DLG2: variants seen among roughly 807,000 people sequenced by gnomAD.
The protein encoded by DLG2 is disks large homolog 2.
A neutral mutation model predicts 132.5 loss-of-function variants in DLG2; 45 were observed. That is an observed-to-expected ratio of 0.34 (90% CI 0.27 to 0.44). DLG2 has a LOEUF of 0.44. DLG2 is among the 20% of genes least tolerant of loss of function. DLG2 has a pLI of 1.00. For missense variants in DLG2, 1,045 were observed against 1,196.9 expected (o/e 0.87, Z 1.87); for synonymous variants, 424 against 419.6 (o/e 1.01, Z -0.13).
intron 18 of DLG2, among the ~76,000 whole-genome samples, chr11:83,743,809 T>A (rs903240131): frequency 2.6e-5 from 4 of 152,068 alleles, no homozygotes; most frequent in Admixed American, 2.0e-4. Context: ...AGCATGCACC[T>A]CAGAGGGTTG....
intron 6 of DLG2, among the ~76,000 whole-genome samples, chr11:85,084,661 C>T (rs1004527720): frequency 9.9e-5 from 15 of 152,160 alleles, no homozygotes; most frequent in African/African-American, 3.6e-4. Flanking sequence ...AGCTCTATAT[C>T]GGTTGCCATT....
intron 17 of DLG2, among the ~76,000 whole-genome samples, chr11:83,798,570 CA>C (rs1296202405): frequency 6.6e-6 from 1 of 151,796 alleles, no homozygotes; most frequent in Non-Finnish European, 1.5e-5. Context: ...AAGGAGTAAC[CA>C]AATGGGAAAA....
At chr11:83,922,729 C>A (rs1276841257) in intron 15 of DLG2, among the ~76,000 whole-genome samples, 1 of 152,082 alleles carries the variant, frequency 6.6e-6, no homozygotes, top group African/African-American at 2.4e-5. Flanking sequence ...GATTAAGGCT[C>A]TGTGAGAAGA....
At chr11:84,416,525 C>A (rs183115562) in intron 7 of DLG2, among the ~76,000 whole-genome samples, 1 of 152,208 alleles carries the variant, frequency 6.6e-6, no homozygotes, top group African/African-American at 2.4e-5. Flanking sequence ...ACTGACTACT[C>A]TGACAAAATA....
chr11:83,825,217 T>C (rs1801643670), intron 17 of DLG2, among the ~76,000 whole-genome samples: 1 of 139,944 alleles, frequency 7.1e-6, no homozygotes, highest in Admixed American at 7.4e-5. Context: ...ATTTCACTCT[T>C]GTTGCCCAGG....
intron 6 of DLG2, among the ~76,000 whole-genome samples, chr11:84,729,003 A>G (rs982840693): frequency 3.9e-5 from 6 of 151,900 alleles, no homozygotes; most frequent in African/African-American, 1.5e-4. Flanking sequence ...TAATCTGGCT[A>G]GCAGTCTATT....
chr11:83,832,268 T>TA (rs931803456), intron 17 of DLG2, among the ~76,000 whole-genome samples: 29 of 152,006 alleles, frequency 1.9e-4, no homozygotes, highest in Admixed American at 1.1e-3. Context: ...AAAATAATAA[T>TA]AAAAAAAGAA....
intron 19 of DLG2, among the ~76,000 whole-genome samples, chr11:83,579,223 G>A (rs1265807177): frequency 6.6e-6 from 1 of 152,134 alleles, no homozygotes. Flanking sequence ...AAATATCTAG[G>A]CAAATAAAAT....
chr11:84,272,418 G>C, intron 7 of DLG2: 1 of 286,296 alleles, frequency 3.5e-6, no homozygotes, highest in Non-Finnish European at 7.2e-6. Flanking sequence ...ATAGCTAATT[G>C]GTGATCTCAA....
chr11:84,782,898 A>G (rs1310388524), intron 6 of DLG2, among the ~76,000 whole-genome samples: 2 of 152,116 alleles, frequency 1.3e-5, no homozygotes, highest in Non-Finnish European at 2.9e-5. Context: ...GCATCAGCGT[A>G]CCTTTCTGGC....
intron 18 of DLG2, among the ~76,000 whole-genome samples, chr11:83,709,980 G>C (rs538924234): frequency 1.3e-5 from 2 of 152,152 alleles, no homozygotes; most frequent in Admixed American, 1.3e-4. Flanking sequence ...TCTCACTGTT[G>C]TGGGTGAGCA....
intron 6 of DLG2, among the ~76,000 whole-genome samples, chr11:84,845,682 CTTTT>C (rs11411513): frequency 2.9e-5 from 4 of 138,818 alleles, no homozygotes; most frequent in South Asian, 2.3e-4. Context: ...GATCGTCACT[CTTTT>C]TTTTTTTTTT....
Position 83,541,593 on chromosome 11 carries a change from G to A in DLG2, c.2117+89C>T, listed in dbSNP as rs766006160. The A allele has an allele frequency of 1.9e-4, 226 of 1,159,340 alleles. 1 individual carries two copies. The highest frequency in any genetic ancestry group is 2.5e-4 in the Non-Finnish European group (215 of 861,578). 71.8% of individuals were successfully genotyped at this position (1,159,340 alleles called of 1,614,324 possible). Reference sequence around the variant, plus strand: ...ATCCCATTTAAATAAATTTAATTTTGTGAACAGTTTCTCCCACCTTCTTCT... The same window carrying A: ...ATCCCATTTAAATAAATTTAATTTTATGAACAGTTTCTCCCACCTTCTTCT... On this transcript the variant is annotated intron_variant, in intron 20 of 27. Transcript: ENST00000376104.
In DLG2 at chr11:83,884,549, T is replaced by C. The variant is rs188089875; in HGVS notation, c.1497-10061A>G. On this transcript the variant is annotated intron_variant, in intron 15 of 27. Transcript: ENST00000376104. ...ACAAACAAAAAGACAGCAGTAACCTTTGCAGACTTAAATGTCCCTGTCGGA... is the reference window on the plus strand; with the variant it reads ...ACAAACAAAAAGACAGCAGTAACCTCTGCAGACTTAAATGTCCCTGTCGGA... 1.2e-3 allele frequency among the ~76,000 whole-genome samples: 190 copies of C among 152,290 alleles called. 3 individuals are homozygous for C. Among genetic ancestry groups the C allele is most frequent in the Admixed American group, 0.011 (171 of 15,302 alleles).
chr11:85,234,340 T>C lies in DLG2; in HGVS notation c.186+50880A>G, dbSNP rs371299211. 7.2e-5 allele frequency among the ~76,000 whole-genome samples: 11 copies of C among 152,098 alleles called. No individual in the cohort carries two copies. The East Asian group carries it at 1.7e-3, about 24-fold the overall frequency. ...CACAAAACATAAAGGCACTCTGTAT[T>C]GCCTACTCCTAGCATTGTTGGAAAG... On this transcript the variant is annotated intron_variant, in intron 4 of 27. Transcript: ENST00000376104.
chr11:84,595,796 C>T (rs1238482684), intron 6 of DLG2, among the ~76,000 whole-genome samples: 1 of 152,170 alleles, frequency 6.6e-6, no homozygotes, highest in Non-Finnish European at 1.5e-5. Context: ...ACTGCAGATG[C>T]TTTCTTGGTT....
intron 1 of DLG2, among the ~76,000 whole-genome samples, chr11:85,626,973 A>G (rs757024528): frequency 3.9e-5 from 6 of 152,208 alleles, no homozygotes; most frequent in Non-Finnish European, 7.3e-5. Context: ...TCAATGACTA[A>G]CTCAATTAAG....
intron 14 of DLG2, among the ~76,000 whole-genome samples, chr11:83,960,163 A>T (rs1389814099): frequency 2.6e-5 from 4 of 151,978 alleles, no homozygotes; most frequent in Non-Finnish European, 5.9e-5. Flanking sequence ...CTCTCTGACC[A>T]ATGCCTACAC....
intron 7 of DLG2, among the ~76,000 whole-genome samples, chr11:84,492,961 GT>G (rs1339816609): frequency 6.6e-6 from 1 of 152,126 alleles, no homozygotes; most frequent in Non-Finnish European, 1.5e-5. Flanking sequence ...GGTTCCTGAT[GT>G]TTTGATAAAA....
Sources: allele counts gnomAD v4.1 joint callset (sites outside exome capture counted in the v4.1 genomes callset), GRCh38; gene constraint gnomAD v4.1.1; transcripts MANE v1.5; gene names NCBI Gene and HGNC (gene_info 2026-07-23, HGNC 2026-07-21).